Variants in ZEB1 observed in about 807,000 individuals in gnomAD.
ZEB1 encodes zinc finger E-box-binding homeobox 1.
Under a neutral mutation model 84.9 loss-of-function variants are expected in ZEB1, and 21 were observed. The observed-to-expected ratio is 0.25, with a 90% CI of 0.18 to 0.36. ZEB1 has a LOEUF of 0.36. ZEB1 is among the 10% of genes least tolerant of loss of function. The pLI, the probability that ZEB1 is intolerant of heterozygous loss-of-function variation, is 1.00. For synonymous variants in ZEB1, 420 were observed against 471.1 expected, an observed-to-expected ratio of 0.89 and a Z score of 1.41; for missense variants, 1,104 against 1,330.2, an observed-to-expected ratio of 0.83 and a Z score of 2.65.
chr10:31,461,294 A>G lies in ZEB1; in HGVS notation c.259+57A>G. 4 of 1,488,744 alleles carry G rather than the reference A, an allele frequency of 2.7e-6. No homozygotes were observed. The Admixed American group carries it at 7.9e-5, about 29-fold the overall frequency. 92.2% of individuals were successfully genotyped at this position (1,488,744 alleles called of 1,614,324 possible). A position where few individuals can be genotyped will look rare whatever the true frequency, so the allele number is the denominator to read the frequency against. ...TCTCATGATTCGTTTTTTAAAATAT[A>G]TATTAACTGAAAAGATAAATTGGAT... On this transcript the variant is annotated intron_variant, in intron 2 of 8. Transcript: ENST00000424869.
At chr10:31,437,956 T>C (rs563311262) in intron 1 of ZEB1, among the ~76,000 whole-genome samples, 1 of 152,330 alleles carries the variant, frequency 6.6e-6, no homozygotes, top group East Asian at 1.9e-4. Context: ...CCTTCTGGGA[T>C]TAGTAAATGT....
chr10:31,351,937 A>C (rs903334269), intron 1 of ZEB1, among the ~76,000 whole-genome samples: 1 of 152,184 alleles, frequency 6.6e-6, no homozygotes, highest in South Asian at 2.1e-4. Context: ...GAAGTTTCTA[A>C]ATAAGACAAA....
Position 31,327,644 on chromosome 10 carries a change from A to G in ZEB1, c.58+8352A>G, listed in dbSNP as rs555094861. Among the ~76,000 whole-genome samples, 53 of 152,308 alleles carry G rather than the reference A, an allele frequency of 3.5e-4. No individual in the cohort carries two copies. The South Asian group carries it at 0.011, about 32-fold the overall frequency. ...GGCTGTGGAAGAGTTTCTCAGCACTACCATATCTAGGGACATGGTATTGTC... is the reference window on the plus strand; with the variant it reads ...GGCTGTGGAAGAGTTTCTCAGCACTGCCATATCTAGGGACATGGTATTGTC... On this transcript the variant is annotated intron_variant, in intron 1 of 8. Coordinates refer to ENST00000424869, the MANE Select transcript of ZEB1 (RefSeq NM_001174096.2).
chr10:31,426,631 A>G (rs1226060350), intron 1 of ZEB1, among the ~76,000 whole-genome samples: 3 of 152,148 alleles, frequency 2.0e-5, no homozygotes, highest in Admixed American at 6.5e-5. Flanking sequence ...AATCCCACCC[A>G]TATCCTGTTT....
At position 31,452,740 on chromosome 10, in the gene ZEB1, TGTGAGA is replaced by T. The variant is rs1240605618; in HGVS notation, c.59-8295_59-8290del. On this transcript the variant is annotated intron_variant, in intron 1 of 8. Transcript: ENST00000424869. ...GTGTGTGTGTGTGTGTGTGTGTGTG[TGTGAGA>T]GAGAGAGAGAGAGAGAGAGAGAGAG... Among the ~76,000 whole-genome samples, 93 of 97,532 alleles carry T rather than the reference TGTGAGA, an allele frequency of 9.5e-4. No individual in the cohort carries two copies. In the East Asian group the frequency reaches 0.011, roughly 11 times the overall value. 64.0% of individuals were successfully genotyped at this position (97,532 alleles called of 152,430 possible).
chr10:31,379,246 A>G (rs909187735), intron 1 of ZEB1, among the ~76,000 whole-genome samples: 3 of 152,060 alleles, frequency 2.0e-5, no homozygotes, highest in Non-Finnish European at 4.4e-5. Flanking sequence ...TGAGAAATGG[A>G]GGTAGGAAGG....
chr10:31,397,197 TATTATA>T (rs2050950515), intron 1 of ZEB1, among the ~76,000 whole-genome samples: 1 of 132,038 alleles, frequency 7.6e-6, no homozygotes, highest in Non-Finnish European at 1.7e-5. Flanking sequence ...TTATTATTAT[TATTATA>T]CTTTAAGTTC....
At chr10:31,409,323 T>A in intron 1 of ZEB1, among the ~76,000 whole-genome samples, 1 of 152,164 alleles carries the variant, frequency 6.6e-6, no homozygotes, top group Non-Finnish European at 1.5e-5. Context: ...TCAACCATTG[T>A]GGAAGTCAGT....
chr10:31,481,490 A>C (rs11008508), intron 2 of ZEB1, among the ~76,000 whole-genome samples: 2,816 of 152,092 alleles, frequency 0.019, 83 homozygotes, highest in South Asian at 0.13. Flanking sequence ...TAGAATAGTA[A>C]GTACACATAA....
chr10:31,493,386 ACTC>A (rs1222811863), intron 2 of ZEB1, among the ~76,000 whole-genome samples: 2 of 151,900 alleles, frequency 1.3e-5, no homozygotes, highest in Non-Finnish European at 2.9e-5. Context: ...AAGTCTTACT[ACTC>A]AGGCATTTTT....
At chr10:31,502,245 G>A (rs2068253668) in intron 3 of ZEB1, 103 bp from the exon 4 acceptor site, 1 of 1,196,916 alleles carries the variant, frequency 8.4e-7, no homozygotes, top group Non-Finnish European at 1.2e-6. Flanking sequence ...GCAGATTCAA[G>A]AACAATCATA....
chr10:31,352,340 G>A lies in ZEB1; in HGVS notation c.58+33048G>A, dbSNP rs11008467. Among the ~76,000 whole-genome samples, 9 of 151,916 alleles carry A rather than the reference G, an allele frequency of 5.9e-5. 1 individual carries two copies. The South Asian group carries it at 6.2e-4, about 11-fold the overall frequency. On this transcript the variant is annotated intron_variant, in intron 1 of 8. Coordinates refer to ENST00000424869, the MANE Select transcript of ZEB1 (RefSeq NM_001174096.2). ...CTGTGATTTTCCATAATTCTATTTC[G>A]GTAGTCACAAAAAAACAAAAATTTG...
Position 31,526,926 on chromosome 10 carries a change from G to A in ZEB1, c.3040G>A (p.Ala1014Thr), listed in dbSNP as rs1413931094. 6.2e-7 allele frequency: 1 copy of A among 1,614,128 alleles called. No individual in the cohort carries two copies. Among genetic ancestry groups the A allele is most frequent in the East Asian group, 2.2e-5 (1 of 44,822 alleles). The stretch of plus-strand genomic sequence containing the variant: ...AATCCTCTCGAATGAGCACGTGGGT[G>A]CCAGGGCGTCTCCCTCACAGGGCGA... ...PEILSNEHVG[A>T]RASPSQGDSD... Residue 1014 changes from alanine (A) to threonine (T), a missense_variant, in exon 9 of 9, where the codon GCC (alanine) becomes ACC (threonine). Ala to Thr is a moderately conservative substitution (Grantham distance 58, BLOSUM62 0). Transcript: ENST00000424869.
At chr10:31,441,298 A>C (rs1477089393) in intron 1 of ZEB1, among the ~76,000 whole-genome samples, 2 of 152,134 alleles carry the variant, frequency 1.3e-5, no homozygotes, top group African/African-American at 4.8e-5. Flanking sequence ...CAAAAAGAAG[A>C]AATGGGGAAA....
intron 1 of ZEB1, among the ~76,000 whole-genome samples, chr10:31,440,224 T>A (rs1012823423): frequency 3.3e-5 from 5 of 152,132 alleles, no homozygotes; most frequent in Non-Finnish European, 7.4e-5. Flanking sequence ...TAGAGAAGAC[T>A]GAGAGACCAG....
intron 2 of ZEB1, among the ~76,000 whole-genome samples, chr10:31,484,117 T>A (rs1255273107): frequency 1.3e-5 from 2 of 152,150 alleles, no homozygotes; most frequent in South Asian, 4.1e-4. Flanking sequence ...CACTCCTGCC[T>A]CACTCTCTTT....
chr10:31,329,584 T>A (rs1235780574), intron 1 of ZEB1, among the ~76,000 whole-genome samples: 1 of 152,174 alleles, frequency 6.6e-6, no homozygotes, highest in African/African-American at 2.4e-5. Flanking sequence ...ACTGTACTTC[T>A]AAGTACATAT....
At chr10:31,441,470 G>A (rs2058977862) in intron 1 of ZEB1, among the ~76,000 whole-genome samples, 3 of 152,212 alleles carry the variant, frequency 2.0e-5, no homozygotes, top group South Asian at 2.1e-4. Flanking sequence ...GAAAACCTAG[G>A]CAATACCATT....
At chr10:31,432,984 ATAGT>A (rs764208490) in intron 1 of ZEB1, among the ~76,000 whole-genome samples, 36 of 147,258 alleles carry the variant, frequency 2.4e-4, no homozygotes, top group Non-Finnish European at 3.5e-4. Context: ...CCTCACATAG[ATAGT>A]TAGTTGGAAT....
Sources: allele counts gnomAD v4.1 joint callset (sites outside exome capture counted in the v4.1 genomes callset), GRCh38; gene constraint gnomAD v4.1.1; transcripts MANE v1.5; gene names NCBI Gene and HGNC (gene_info 2026-07-23, HGNC 2026-07-21).